The following NLK variants were observed in gnomAD, a reference collection of about 807,000 sequenced individuals.
The protein encoded by NLK is nemo like kinase, also known as serine/threonine-protein kinase NLK.
A neutral mutation model predicts 59.0 loss-of-function variants in NLK; 11 were observed. The ratio of observed to expected loss-of-function variants is 0.19; its 90% CI spans 0.12 to 0.31. The LOEUF (loss-of-function observed/expected upper bound fraction) is 0.31. NLK is among the 10% of genes least tolerant of loss of function. The pLI, the probability that NLK is intolerant of heterozygous loss-of-function variation, is 1.00. For missense variants in NLK, 410 were observed against 661.1 expected (o/e 0.62, Z 4.16); for synonymous variants, 235 against 235.9 (o/e 1.00, Z 0.03).
chr17:28,044,270 A>G (rs1310123622), intron 1 of NLK, among the ~76,000 whole-genome samples: 1 of 152,192 alleles, frequency 6.6e-6, no homozygotes, highest in Admixed American at 6.5e-5. Context: ...TCCACTTTGG[A>G]TAGATGAATT....
At chr17:28,122,533 A>G (rs1411419517) in intron 1 of NLK, 70 bp from the exon 2 acceptor site, 2 of 1,527,616 alleles carry the variant, frequency 1.3e-6, no homozygotes, top group African/African-American at 1.4e-5. Flanking sequence ...GATCTGAAAC[A>G]TTGGAAAACA....
chr17:28,084,653 T>C (rs970886427), intron 1 of NLK, among the ~76,000 whole-genome samples: 2 of 152,036 alleles, frequency 1.3e-5, no homozygotes, highest in Admixed American at 1.3e-4. Context: ...AACCTCCACC[T>C]CCCAGGTTCA....
chr17:28,198,367 A>C (rs1294166654), downstream of NLK, among the ~76,000 whole-genome samples: 2 of 152,104 alleles, frequency 1.3e-5, no homozygotes, highest in African/African-American at 4.8e-5. Context: ...TCTGTCACCC[A>C]GACTGGAGTG....
At chr17:28,097,775 G>A (rs1417418786) in intron 1 of NLK, among the ~76,000 whole-genome samples, 1 of 152,058 alleles carries the variant, frequency 6.6e-6, no homozygotes, top group Admixed American at 6.5e-5. Context: ...CTAAGTTTTA[G>A]CAACTAGGAA....
intron 3 of NLK, among the ~76,000 whole-genome samples, chr17:28,135,908 T>C (rs535388638): frequency 4.6e-5 from 7 of 152,342 alleles, no homozygotes; most frequent in African/African-American, 1.7e-4. Context: ...CATAATTTAA[T>C]TGAGTCTAGG....
chr17:28,045,923 T>C (rs1243972050), intron 1 of NLK, among the ~76,000 whole-genome samples: 1 of 152,224 alleles, frequency 6.6e-6, no homozygotes, highest in East Asian at 1.9e-4. Context: ...CAGTGATGCA[T>C]CCTTTGATTG....
At chr17:28,085,339 A>G (rs1910476381) in intron 1 of NLK, among the ~76,000 whole-genome samples, 1 of 152,188 alleles carries the variant, frequency 6.6e-6, no homozygotes, top group Non-Finnish European at 1.5e-5. Context: ...CAAATAAGTA[A>G]TTAAATTTAA....
chr17:28,077,293 G>T (rs541846646), intron 1 of NLK, among the ~76,000 whole-genome samples: 3 of 151,778 alleles, frequency 2.0e-5, no homozygotes, highest in African/African-American at 7.3e-5. Context: ...GGTGGGAGGC[G>T]AAAGGCACCT....
At chr17:28,128,865 A>T (rs1451284806) in intron 2 of NLK, among the ~76,000 whole-genome samples, 1 of 152,214 alleles carries the variant, frequency 6.6e-6, no homozygotes, top group African/African-American at 2.4e-5. Context: ...TCATAGCAGC[A>T]TTACACATAA....
intron 6 of NLK, among the ~76,000 whole-genome samples, chr17:28,169,901 C>A: frequency 6.6e-6 from 1 of 152,002 alleles, no homozygotes; most frequent in South Asian, 2.1e-4. Flanking sequence ...TTGTTCTTAA[C>A]CTTTGTGAAA....
intron 1 of NLK, among the ~76,000 whole-genome samples, chr17:28,070,421 C>T (rs1348719073): frequency 7.3e-6 from 1 of 136,148 alleles, no homozygotes; most frequent in African/African-American, 2.8e-5. Context: ...GTGGTGCGAT[C>T]TCGGCTCACT....
intron 7 of NLK, among the ~76,000 whole-genome samples, chr17:28,180,916 A>T (rs1908878270): frequency 6.6e-6 from 1 of 152,210 alleles, no homozygotes; most frequent in African/African-American, 2.4e-5. Context: ...ATTTTGACTA[A>T]TACAGATAAT....
chr17:28,056,018 C>T (rs1279047950), intron 1 of NLK, among the ~76,000 whole-genome samples: 7 of 152,212 alleles, frequency 4.6e-5, no homozygotes, highest in East Asian at 1.9e-4. Context: ...CCTTGAAAAA[C>T]GCAGAAGAGC....
intron 2 of NLK, among the ~76,000 whole-genome samples, chr17:28,123,870 T>A (rs566390136): frequency 2.3e-4 from 35 of 152,322 alleles, no homozygotes; most frequent in African/African-American, 8.4e-4. Context: ...AAAGAAAAAC[T>A]GCCTCAAATT....
intron 5 of NLK, among the ~76,000 whole-genome samples, chr17:28,164,861 A>T (rs528777450): frequency 1.8e-4 from 28 of 152,290 alleles, no homozygotes; most frequent in African/African-American, 6.5e-4. Context: ...TTTTATTTTA[A>T]ATGATTTCTC....
chr17:28,145,742 G>A (rs1222433192), intron 3 of NLK, among the ~76,000 whole-genome samples: 1 of 151,878 alleles, frequency 6.6e-6, no homozygotes, highest in African/African-American at 2.4e-5. Flanking sequence ...GTCTCACTCT[G>A]TCACCCAGGC....
At chr17:28,094,304 T>C (rs1450503430) in intron 1 of NLK, among the ~76,000 whole-genome samples, 1 of 152,224 alleles carries the variant, frequency 6.6e-6, no homozygotes, top group Admixed American at 6.5e-5. Context: ...TGATGTCAGA[T>C]TGCTTTTGTC....
intron 1 of NLK, among the ~76,000 whole-genome samples, chr17:28,102,054 ATTGT>A (rs1481633382): frequency 6.6e-6 from 1 of 151,992 alleles, no homozygotes; most frequent in Non-Finnish European, 1.5e-5. Context: ...ATGATTGGGT[ATTGT>A]TTCTTTGTCC....
intron 1 of NLK, among the ~76,000 whole-genome samples, chr17:28,116,866 C>T (rs201967861): frequency 6.6e-6 from 1 of 152,232 alleles, no homozygotes; most frequent in East Asian, 1.9e-4. Flanking sequence ...TTCAGTTTTA[C>T]TTGCGCTTTG....
Sources: allele counts gnomAD v4.1 joint callset (sites outside exome capture counted in the v4.1 genomes callset), GRCh38; gene constraint gnomAD v4.1.1; transcripts MANE v1.5; gene names NCBI Gene and HGNC (gene_info 2026-07-23, HGNC 2026-07-21).